CNTNAP2: variants seen among roughly 807,000 people sequenced by gnomAD.
CNTNAP2 encodes the protein contactin-associated protein-like 2.
CNTNAP2 carries 98 observed loss-of-function variants against 155.2 expected under a neutral mutation model. The observed-to-expected ratio is 0.63, with a 90% CI of 0.54 to 0.75. CNTNAP2 has a LOEUF of 0.75. Among genes scored for constraint, CNTNAP2 ranks in the 30% least tolerant of loss-of-function variants. The pLI, the probability that CNTNAP2 is intolerant of heterozygous loss-of-function variation, is 0.00. For synonymous variants in CNTNAP2, 651 were observed against 631.2 expected (o/e 1.03, Z -0.47); for missense variants, 1,727 against 1,688.1 (o/e 1.02, Z -0.40).
intron 13 of CNTNAP2, among the ~76,000 whole-genome samples, chr7:147,739,677 A>G (rs1426407439): frequency 6.6e-6 from 1 of 152,028 alleles, no homozygotes; most frequent in African/African-American, 2.4e-5. Flanking sequence ...TTGGAAGGAA[A>G]ATGTGGATAG....
chr7:148,189,292 C>A (rs1250156991), intron 18 of CNTNAP2, among the ~76,000 whole-genome samples: 13 of 152,010 alleles, frequency 8.6e-5, no homozygotes, highest in Admixed American at 8.5e-4. Context: ...AGGTAAGAGT[C>A]AATCTAAACA....
At chr7:148,238,409 C>G (rs1171042560) in intron 20 of CNTNAP2, among the ~76,000 whole-genome samples, 1 of 152,212 alleles carries the variant, frequency 6.6e-6, no homozygotes, top group Non-Finnish European at 1.5e-5. Flanking sequence ...ATGATCTTCT[C>G]TAGAACCCAG....
chr7:147,003,386 G>GAA (rs1160704577), intron 3 of CNTNAP2, among the ~76,000 whole-genome samples: 10 of 151,462 alleles, frequency 6.6e-5, no homozygotes, highest in Admixed American at 4.0e-4. Context: ...CAAAAAGCGA[G>GAA]AAAAAAATAA....
chr7:146,567,095 G>A (rs976671471), intron 1 of CNTNAP2, among the ~76,000 whole-genome samples: 1 of 152,150 alleles, frequency 6.6e-6, no homozygotes, highest in African/African-American at 2.4e-5. Context: ...TAATAAAATT[G>A]CATGACAAAA....
chr7:147,578,395 G>A (rs538141742), intron 12 of CNTNAP2, among the ~76,000 whole-genome samples: 1 of 152,174 alleles, frequency 6.6e-6, no homozygotes, highest in South Asian at 2.1e-4. Flanking sequence ...TCTGGTTGCT[G>A]CAATGTCATT....
intron 13 of CNTNAP2, among the ~76,000 whole-genome samples, chr7:147,841,670 G>C (rs185041474): frequency 7.2e-5 from 11 of 152,332 alleles, no homozygotes; most frequent in Admixed American, 3.3e-4. Flanking sequence ...TTGATTAAGA[G>C]ATTGTTTGAA....
chr7:147,314,368 C>G (rs990464537), intron 9 of CNTNAP2, among the ~76,000 whole-genome samples: 11 of 152,154 alleles, frequency 7.2e-5, no homozygotes, highest in Non-Finnish European at 1.3e-4. Context: ...CAAAAAAATC[C>G]CCAAGCCTCT....
intron 1 of CNTNAP2, among the ~76,000 whole-genome samples, chr7:146,608,712 G>A (rs1164484469): frequency 6.6e-6 from 1 of 151,906 alleles, no homozygotes; most frequent in African/African-American, 2.4e-5. Context: ...CTGATCAATT[G>A]TATATTTTTA....
chr7:148,272,287 A>G (rs1274725246), intron 21 of CNTNAP2, among the ~76,000 whole-genome samples: 1 of 152,240 alleles, frequency 6.6e-6, no homozygotes, highest in African/African-American at 2.4e-5. Flanking sequence ...AGTTATGTCC[A>G]TCTTTCATCC....
chr7:147,618,464 G>A (rs1801332940), intron 12 of CNTNAP2, among the ~76,000 whole-genome samples: 1 of 152,030 alleles, frequency 6.6e-6, no homozygotes, highest in Non-Finnish European at 1.5e-5. Context: ...TAACTGGTAC[G>A]ATGACATGGT....
intron 14 of CNTNAP2, among the ~76,000 whole-genome samples, chr7:147,920,887 G>A (rs1310203437): frequency 7.1e-6 from 1 of 140,322 alleles, no homozygotes; most frequent in African/African-American, 2.7e-5. Context: ...TCAGCTCACT[G>A]CAAGCTCTGC....
intron 1 of CNTNAP2, among the ~76,000 whole-genome samples, chr7:146,244,400 G>A (rs929407896): frequency 9.9e-5 from 15 of 152,068 alleles, no homozygotes; most frequent in Non-Finnish European, 1.6e-4. Context: ...TTTTTTGGGG[G>A]CACAGTCTAA....
intron 13 of CNTNAP2, among the ~76,000 whole-genome samples, chr7:147,783,394 T>G (rs1455923918): frequency 6.6e-6 from 1 of 152,228 alleles, no homozygotes; most frequent in African/African-American, 2.4e-5. Context: ...ATAGACTTAC[T>G]ACAGGTGTCC....
At chr7:148,322,079 T>C (rs55919522) in intron 21 of CNTNAP2, among the ~76,000 whole-genome samples, 34,042 of 149,788 alleles carry the variant, frequency 0.23, 4,116 homozygotes, top group Middle Eastern at 0.32. Context: ...CACCACTGCG[T>C]CTGGCTAATT....
At chr7:147,706,008 C>T (rs571700143) in intron 13 of CNTNAP2, among the ~76,000 whole-genome samples, 1 of 151,864 alleles carries the variant, frequency 6.6e-6, no homozygotes, top group African/African-American at 2.4e-5. Flanking sequence ...TCAGCCAGTC[C>T]ATATCTTTTA....
chr7:147,584,845 C>G (rs1373004965), intron 12 of CNTNAP2, among the ~76,000 whole-genome samples: 1 of 152,166 alleles, frequency 6.6e-6, no homozygotes, highest in Non-Finnish European at 1.5e-5. Flanking sequence ...GAGGTGGCCT[C>G]TTGGGGAAGC....
intron 9 of CNTNAP2, among the ~76,000 whole-genome samples, chr7:147,335,203 A>G (rs1170092850): frequency 2.6e-5 from 4 of 152,180 alleles, no homozygotes; most frequent in African/African-American, 9.6e-5. Flanking sequence ...ACTGTCTTAA[A>G]TCTAATATAC....
intron 14 of CNTNAP2, among the ~76,000 whole-genome samples, chr7:147,930,004 C>A (rs1030306442): frequency 6.6e-6 from 1 of 152,080 alleles, no homozygotes; most frequent in Non-Finnish European, 1.5e-5. Context: ...GGAGCTCAGG[C>A]GGGAATGCTC....
chr7:146,524,694 T>C (rs1797662499), intron 1 of CNTNAP2, among the ~76,000 whole-genome samples: 1 of 152,104 alleles, frequency 6.6e-6, no homozygotes, highest in African/African-American at 2.4e-5. Flanking sequence ...TTATATCTCA[T>C]CTCATGTTAT....
Sources: gnomAD v4.1 joint callset for allele counts (sites outside exome capture counted in the v4.1 genomes callset) on GRCh38, gnomAD v4.1.1 for gene constraint, MANE v1.5 for transcripts, NCBI Gene and HGNC (gene_info 2026-07-23, HGNC 2026-07-21) for gene names.